The following TBC1D22B variants were observed in gnomAD, a reference collection of about 807,000 sequenced individuals.
TBC1D22B encodes the protein chromosome 6 open reading frame 197.
A neutral mutation model predicts 69.1 loss-of-function variants in TBC1D22B; 32 were observed. The observed-to-expected ratio is 0.46, with a 90% CI of 0.35 to 0.62. The LOEUF is 0.62. Among genes scored for constraint, TBC1D22B ranks in the 20% least tolerant of loss-of-function variants. TBC1D22B has a pLI of 0.00. For missense variants in TBC1D22B, 462 were observed against 630.9 expected, an observed-to-expected ratio of 0.73 and a Z score of 2.87; for synonymous variants, 206 against 229.8, an observed-to-expected ratio of 0.90 and a Z score of 0.94.
intron 8 of TBC1D22B, among the ~76,000 whole-genome samples, chr6:37,299,321 A>G (rs1406430448): frequency 6.6e-6 from 1 of 152,110 alleles, no homozygotes; most frequent in Non-Finnish European, 1.5e-5. Context: ...TTCATCTGCT[A>G]TGTGTTAAAA....
chr6:37,319,904 G>A (rs73423615), intron 12 of TBC1D22B, among the ~76,000 whole-genome samples: 4,920 of 152,254 alleles, frequency 0.032, 247 homozygotes, highest in African/African-American at 0.11. Flanking sequence ...GAGAAAGTAG[G>A]CACATGTATC....
At chr6:37,324,914 A>G (rs1424924355) in intron 12 of TBC1D22B, among the ~76,000 whole-genome samples, 1 of 152,252 alleles carries the variant, frequency 6.6e-6, no homozygotes, top group Non-Finnish European at 1.5e-5. Flanking sequence ...TATCTCATAG[A>G]GTAGATGTAG....
At chr6:37,310,603 G>C (rs1318545610) in intron 8 of TBC1D22B, among the ~76,000 whole-genome samples, 2 of 152,202 alleles carry the variant, frequency 1.3e-5, no homozygotes, top group African/African-American at 4.8e-5. Flanking sequence ...GGAAGGTAGA[G>C]GCTGCAGTGA....
At chr6:37,325,448 C>A (rs1768361701) in intron 12 of TBC1D22B, among the ~76,000 whole-genome samples, 1 of 151,842 alleles carries the variant, frequency 6.6e-6, no homozygotes, top group South Asian at 2.1e-4. Context: ...TCAGTTGTTC[C>A]CTGCCCCGGT....
chr6:37,298,759 A>G (rs1767472174), intron 8 of TBC1D22B, among the ~76,000 whole-genome samples: 1 of 151,918 alleles, frequency 6.6e-6, no homozygotes, highest in African/African-American at 2.4e-5. Context: ...GTTAGCCAGG[A>G]TGGTCTCGAT....
intron 1 of TBC1D22B, among the ~76,000 whole-genome samples, chr6:37,260,135 A>T (rs1766031123): frequency 6.6e-6 from 1 of 152,216 alleles, no homozygotes; most frequent in Non-Finnish European, 1.5e-5. Flanking sequence ...GGAGAAAACT[A>T]AGGTTCTTTT....
At position 37,298,087 on chromosome 6, in the gene TBC1D22B, C is replaced by A. The variant is rs570891356; in HGVS notation, c.982+6730C>A. On this transcript the variant is annotated intron_variant, in intron 8 of 12. Coordinates refer to ENST00000373491, the MANE Select transcript of TBC1D22B (RefSeq NM_017772.4). ...GGGAGAGATAGCATTAGGAGAAATA[C>A]GTAATGTAAATGACAGGTTGATGGG... is the stretch of plus-strand genomic sequence containing the variant. 5.9e-5 allele frequency among the ~76,000 whole-genome samples: 9 copies of A among 152,126 alleles called. No homozygotes were observed. In the South Asian group the frequency reaches 1.4e-3, roughly 25 times the overall value.
intron 8 of TBC1D22B, among the ~76,000 whole-genome samples, chr6:37,303,487 A>G (rs1333660058): frequency 2.0e-5 from 3 of 152,140 alleles, no homozygotes; most frequent in Non-Finnish European, 4.4e-5. Context: ...TCAGGCCTGG[A>G]TTGCTGAACC....
intron 2 of TBC1D22B, among the ~76,000 whole-genome samples, chr6:37,274,950 G>A (rs1164167820): frequency 6.6e-6 from 1 of 152,208 alleles, no homozygotes; most frequent in Non-Finnish European, 1.5e-5. Flanking sequence ...TACTCAAGAT[G>A]CTGAGGCAAG....
At chr6:37,289,787 A>G (rs1675077023) in intron 7 of TBC1D22B, among the ~76,000 whole-genome samples, 1 of 152,200 alleles carries the variant, frequency 6.6e-6, no homozygotes, top group South Asian at 2.1e-4. Flanking sequence ...TGTATTTTCA[A>G]GATAGAGGGA....
In TBC1D22B at chr6:37,331,883, AGTG is replaced by A. The variant is rs1768592121; in HGVS notation, c.*712_*714del. ...CATCAAACTAGTTGGGAAGGGCCCC[AGTG>A]ACCAAGTGTATAAGCATCCCTTGAA... On this transcript the variant is annotated 3_prime_UTR_variant, in exon 13 of 13. Transcript: ENST00000373491. 1 of 152,642 alleles carries A rather than the reference AGTG, an allele frequency of 6.6e-6. No individual in the cohort carries two copies. Among genetic ancestry groups the A allele is most frequent in the African/African-American group, 2.4e-5 (1 of 41,440 alleles). The allele number at this position is 152,642 out of a possible 1,614,324, so 9.5% of individuals were successfully genotyped here.
chr6:37,308,628 G>A (rs1767809054), intron 8 of TBC1D22B, among the ~76,000 whole-genome samples: 1 of 152,164 alleles, frequency 6.6e-6, no homozygotes, highest in African/African-American at 2.4e-5. Context: ...CTAACAGTTT[G>A]GAGTGGGTAC....
chr6:37,294,977 T>G (rs1767312571), intron 8 of TBC1D22B, among the ~76,000 whole-genome samples: 1 of 152,264 alleles, frequency 6.6e-6, no homozygotes, highest in African/African-American at 2.4e-5. Context: ...TGAGATGGAA[T>G]CTACTCCTGG....
intron 8 of TBC1D22B, among the ~76,000 whole-genome samples, chr6:37,300,006 CAAAAAAA>C (rs764261176): frequency 1.3e-5 from 1 of 77,080 alleles, no homozygotes; most frequent in African/African-American, 4.5e-5. Context: ...GAGACTCTGT[CAAAAAAA>C]AAAAAAAAAA....
chr6:37,326,157 A>G (rs1478574711), intron 12 of TBC1D22B, among the ~76,000 whole-genome samples: 1 of 151,946 alleles, frequency 6.6e-6, no homozygotes, highest in African/African-American at 2.4e-5. Flanking sequence ...TGAGGCGGGC[A>G]GATTACGAGG....
rs1768571533 is a variant in TBC1D22B at position 37,331,152 on chromosome 6, C to T, written c.1498C>T (p.Pro500Ser). The T allele has an allele frequency of 1.2e-6, 2 of 1,614,036 alleles. No individual in the cohort carries two copies. The highest frequency in any genetic ancestry group is 1.7e-6 in the Non-Finnish European group (2 of 1,179,912). Residue 500 changes from proline to serine, a missense_variant, in exon 13 of 13, where the codon CCA becomes TCA. Transcript: ENST00000373491. ...ACTCAAGTACATGTTTGCCGATGCC[C>T]CAAATCACTACCGCCGATAGGTGCT... is the stretch of plus-strand genomic sequence containing the variant. ...YRLKYMFADA[P>S]NHYRR
Position 37,332,271 on chromosome 6 carries a change from C to T in TBC1D22B, c.*1099C>T, listed in dbSNP as rs901961600. The T allele has an allele frequency of 2.6e-5, 4 of 152,570 alleles. No homozygotes were observed. Among genetic ancestry groups the T allele is most frequent in the Non-Finnish European group, 4.4e-5 (3 of 68,094 alleles). The allele number at this position is 152,570 out of a possible 1,614,324, so 9.5% of individuals were successfully genotyped here. The stretch of plus-strand genomic sequence containing the variant: ...TCCTCGCCCCTTTCTTCACCCCGCC[C>T]CCCAACCCCCAGACTTTCCTGGAGC... On this transcript the variant is annotated 3_prime_UTR_variant, in exon 13 of 13. Transcript: ENST00000373491.
intron 8 of TBC1D22B, among the ~76,000 whole-genome samples, chr6:37,303,421 C>T (rs1053295736): frequency 6.6e-6 from 1 of 152,132 alleles, no homozygotes; most frequent in African/African-American, 2.4e-5. Context: ...GGTGATTTTA[C>T]GTCCTAAATG....
At chr6:37,258,481 A>C (rs978403712) in intron 1 of TBC1D22B, among the ~76,000 whole-genome samples, 1 of 152,172 alleles carries the variant, frequency 6.6e-6, no homozygotes, top group Non-Finnish European at 1.5e-5. Context: ...GACGATTCTC[A>C]ACCCTGACCT....
Sources: allele counts gnomAD v4.1 joint callset (sites outside exome capture counted in the v4.1 genomes callset), GRCh38; gene constraint gnomAD v4.1.1; transcripts MANE v1.5; gene names NCBI Gene and HGNC (gene_info 2026-07-23, HGNC 2026-07-21).